DAB1: variants seen among roughly 807,000 people sequenced by gnomAD.
The protein encoded by DAB1 is DAB adaptor protein 1.
In DAB1, 15 loss-of-function variants were observed where a neutral mutation model predicts 64.6. That is an observed-to-expected ratio of 0.23 (90% CI 0.16 to 0.36). The LOEUF is 0.36. Among genes scored for constraint, DAB1 ranks in the 10% least tolerant of loss-of-function variants. DAB1 has a pLI of 1.00. For missense variants in DAB1, 596 were observed against 706.7 expected (o/e 0.84, Z 1.78); for synonymous variants, 235 against 251.9 (o/e 0.93, Z 0.64).
At position 58,355,552 on chromosome 1, in the gene DAB1, A is replaced by G. The variant is rs1644102693; in HGVS notation, n.258-12149T>C. Reference sequence around the variant, plus strand: ...TTTCACGAATAAAAATGTCCAGATTAGATTAGTTTAAAACTTCAATCTCAC... The same window carrying G: ...TTTCACGAATAAAAATGTCCAGATTGGATTAGTTTAAAACTTCAATCTCAC... On this transcript the variant is annotated intron_variant and non_coding_transcript_variant, in intron 3 of 20. Coordinates refer to the DAB1 transcript ENST00000485760. Among the ~76,000 whole-genome samples the G allele has an allele frequency of 2.6e-5, 4 of 152,280 alleles. No homozygotes were observed. In the South Asian group the frequency reaches 8.3e-4, roughly 32 times the overall value.
intron 7 of DAB1, among the ~76,000 whole-genome samples, chr1:57,585,181 G>T (rs541940682): frequency 6.7e-6 from 1 of 150,220 alleles, no homozygotes; most frequent in Non-Finnish European, 1.5e-5. Flanking sequence ...CCTGGGAGGC[G>T]GAGGGTGCAG....
intron 5 of DAB1, among the ~76,000 whole-genome samples, chr1:57,903,497 G>A (rs1644506311): frequency 6.6e-6 from 1 of 152,110 alleles, no homozygotes; most frequent in Non-Finnish European, 1.5e-5. Flanking sequence ...GGAGTCTTCT[G>A]TGCTCCCTTC....
At chr1:57,756,583 G>A (rs529000332) in intron 6 of DAB1, among the ~76,000 whole-genome samples, 1 of 152,100 alleles carries the variant, frequency 6.6e-6, no homozygotes, top group South Asian at 2.1e-4. Flanking sequence ...TTTTTGGAAA[G>A]ATCATTAAGG....
intron 2 of DAB1, among the ~76,000 whole-genome samples, chr1:57,271,853 A>T (rs751026164): frequency 4.6e-5 from 7 of 152,128 alleles, no homozygotes; most frequent in Non-Finnish European, 8.8e-5. Flanking sequence ...TGATTGTTCC[A>T]AACTCTTGAA....
chr1:57,295,678 C>T (rs920281706), intron 1 of DAB1, among the ~76,000 whole-genome samples: 1 of 152,028 alleles, frequency 6.6e-6, no homozygotes, highest in African/African-American at 2.4e-5. Flanking sequence ...ATAAACAAAC[C>T]AGATAACATG....
chr1:57,679,885 G>A (rs1024048490), intron 6 of DAB1, among the ~76,000 whole-genome samples: 6 of 152,122 alleles, frequency 3.9e-5, no homozygotes, highest in African/African-American at 1.4e-4. Flanking sequence ...TAGCTAACAT[G>A]GTAACCCCAT....
At chr1:57,578,439 A>T (rs938719868) in intron 7 of DAB1, among the ~76,000 whole-genome samples, 4 of 152,188 alleles carry the variant, frequency 2.6e-5, no homozygotes, top group Non-Finnish European at 5.9e-5. Flanking sequence ...CCTGGATTAG[A>T]TCTAACTAAT....
chr1:57,798,158 G>A (rs572239566), intron 6 of DAB1, among the ~76,000 whole-genome samples: 1 of 152,258 alleles, frequency 6.6e-6, no homozygotes, highest in South Asian at 2.1e-4. Context: ...TCGCCTTCAT[G>A]TTTCAAGCTC....
chr1:58,068,807 A>T (rs143638059), intron 5 of DAB1, among the ~76,000 whole-genome samples: 72 of 151,206 alleles, frequency 4.8e-4, no homozygotes, highest in African/African-American at 1.6e-3. Context: ...AAGCATCATT[A>T]TCTCTGACTC....
intron 4 of DAB1, among the ~76,000 whole-genome samples, chr1:57,123,011 A>G (rs573862991): frequency 3.3e-5 from 5 of 152,252 alleles, no homozygotes; most frequent in Non-Finnish European, 5.9e-5. Flanking sequence ...CTTGCCCAAG[A>G]TACTACAGCT....
chr1:57,577,926 T>C (rs1384483460), intron 7 of DAB1, among the ~76,000 whole-genome samples: 7 of 152,022 alleles, frequency 4.6e-5, no homozygotes, highest in Admixed American at 4.6e-4. Flanking sequence ...GCAGAGGAAA[T>C]ATAAAACAGC....
At chr1:58,152,045 G>A (rs916060869) in intron 4 of DAB1, among the ~76,000 whole-genome samples, 5 of 152,158 alleles carry the variant, frequency 3.3e-5, no homozygotes, top group South Asian at 2.1e-4. Flanking sequence ...GGGTGAAAAT[G>A]AGTAAAAATA....
At chr1:57,012,206 A>G (rs1412426600) in intron 12 of DAB1, among the ~76,000 whole-genome samples, 1 of 152,224 alleles carries the variant, frequency 6.6e-6, no homozygotes, top group Admixed American at 6.5e-5. Flanking sequence ...GAAATCAGAC[A>G]GTGAATGATT....
chr1:57,388,748 C>T (rs995305981), intron 1 of DAB1, among the ~76,000 whole-genome samples: 47 of 152,296 alleles, frequency 3.1e-4, no homozygotes, highest in African/African-American at 1.1e-3. Flanking sequence ...CTCGTTTCCC[C>T]TTCTGGTTTT....
chr1:57,700,943 A>G (rs1646899799), intron 6 of DAB1, among the ~76,000 whole-genome samples: 1 of 152,166 alleles, frequency 6.6e-6, no homozygotes, highest in Admixed American at 6.5e-5. Flanking sequence ...GCCAAAAAAC[A>G]CAGGAAAAAA....
rs184335690 is a variant in DAB1, at chr1:57,134,889, T to C, written c.306+1654A>G. 6.0e-4 allele frequency among the ~76,000 whole-genome samples: 91 copies of C among 152,276 alleles called. 2 individuals carry two copies. The East Asian group carries it at 0.013, about 21-fold the overall frequency. ...AATAGTACCATCTACATCCTAGGGT[T>C]GTTGTGAGGATTAAATGACCTGGTA... On this transcript the variant is annotated intron_variant, in intron 4 of 14. Coordinates refer to ENST00000371236, the MANE Select transcript of DAB1 (RefSeq NM_001365792.1).
At chr1:58,258,931 C>T (rs1237772359) in intron 4 of DAB1, among the ~76,000 whole-genome samples, 1 of 152,166 alleles carries the variant, frequency 6.6e-6, no homozygotes, top group Non-Finnish European at 1.5e-5. Context: ...CTGCCCTTAA[C>T]ACTCAGTAGA....
intron 2 of DAB1, among the ~76,000 whole-genome samples, chr1:58,521,394 T>C (rs1413676904): frequency 6.7e-6 from 1 of 149,204 alleles, no homozygotes; most frequent in African/African-American, 2.5e-5. Flanking sequence ...GAACCACATA[T>C]GAAACCCAAA....
At chr1:57,810,041 T>C (rs961875918) in intron 6 of DAB1, among the ~76,000 whole-genome samples, 2 of 152,154 alleles carry the variant, frequency 1.3e-5, no homozygotes, top group East Asian at 1.9e-4. Flanking sequence ...TAGGAGACCA[T>C]AAAACCTTCC....
Sources: allele counts gnomAD v4.1 joint callset (sites outside exome capture counted in the v4.1 genomes callset), GRCh38; gene constraint gnomAD v4.1.1; transcripts MANE v1.5; gene names NCBI Gene and HGNC (gene_info 2026-07-23, HGNC 2026-07-21).